SCAPER: variants seen among roughly 807,000 people sequenced by gnomAD.
The protein encoded by SCAPER is S phase cyclin A-associated protein in the endoplasmic reticulum.
In SCAPER, 98 loss-of-function variants were observed where a neutral mutation model predicts 182.2. That is an observed-to-expected ratio of 0.54 (90% confidence interval 0.46 to 0.64). The LOEUF (loss-of-function observed/expected upper bound fraction) is 0.64. Ranked by LOEUF, SCAPER falls within the 30% of genes least tolerant of loss-of-function variation. The pLI is 0.00. For missense variants in SCAPER, 1,432 were observed against 1,690.0 expected (o/e 0.85, Z 2.68); for synonymous variants, 605 against 564.6 (o/e 1.07, Z -1.01).
intron 22 of SCAPER, among the ~76,000 whole-genome samples, chr15:76,580,364 G>C (rs1432482961): frequency 1.3e-5 from 2 of 152,128 alleles, no homozygotes; most frequent in South Asian, 2.1e-4. Context: ...TCAATAAGAG[G>C]AATTTTGGAA....
Position 76,597,882 on chromosome 15 carries a change from T to C in SCAPER, c.2712-23598A>G, listed in dbSNP as rs546143299. 1.7e-5 allele frequency among the ~76,000 whole-genome samples: 2 copies of C among 120,870 alleles called. 1 individual carries two copies. Among genetic ancestry groups the C allele is most frequent in the East Asian group, 4.4e-4 (2 of 4,524 alleles). 79.3% of individuals were successfully genotyped at this position (120,870 alleles called of 152,430 possible). ...AACCTAGGCAATACCATTCAGGACA[T>C]AGGCATGGGCAAAGACTTCATGACT... On this transcript the variant is annotated intron_variant, in intron 22 of 31. Coordinates refer to ENST00000563290, the MANE Select transcript of SCAPER (RefSeq NM_020843.4).
In SCAPER at chr15:76,771,809, T is replaced by A; in HGVS notation, c.1181A>T (p.Asn394Ile). The change falls in exon 10 of 32, where the codon AAT (asparagine) becomes ATT (isoleucine). Residue 394 changes from asparagine to isoleucine, a missense_variant. Around this residue, in one of 5 missense-constraint regions of SCAPER, gnomAD observed 480 missense variants for 510.2 expected, o/e 0.94. Transcript: ENST00000563290. ...LQAGTPPLQV[N>I]EEKFPAEKAR... ...TTTCTCTGCTGGAAATTTTTCTTCA[T>A]TTACTTGTAAAGGAGGTGTACCAGC... 2 of 1,613,230 alleles carry A rather than the reference T, an allele frequency of 1.2e-6. No homozygotes were observed. Among genetic ancestry groups the A allele is most frequent in the Non-Finnish European group, 1.7e-6 (2 of 1,179,426 alleles).
chr15:76,395,646 T>C (rs2043998509), intron 27 of SCAPER, among the ~76,000 whole-genome samples: 1 of 152,238 alleles, frequency 6.6e-6, no homozygotes, highest in Admixed American at 6.5e-5. Flanking sequence ...TTGTATGTCT[T>C]CTTTTGAGAA....
intron 5 of SCAPER, among the ~76,000 whole-genome samples, chr15:76,808,888 T>A (rs916693707): frequency 6.6e-6 from 1 of 152,190 alleles, no homozygotes; most frequent in African/African-American, 2.4e-5. Flanking sequence ...CCCAGCTTAA[T>A]GTAAAGAAAA....
At chr15:76,750,914 T>C (rs2062049030) in intron 15 of SCAPER, among the ~76,000 whole-genome samples, 3 of 151,666 alleles carry the variant, frequency 2.0e-5, no homozygotes, top group Admixed American at 1.3e-4. Flanking sequence ...GTAAAAGAAA[T>C]AGTGCCCAAA....
intron 21 of SCAPER, among the ~76,000 whole-genome samples, chr15:76,645,848 C>G (rs758056789): frequency 6.6e-6 from 1 of 152,058 alleles, no homozygotes; most frequent in African/African-American, 2.4e-5. Flanking sequence ...TAAAAACACA[C>G]GAATGGGTGT....
intron 10 of SCAPER, among the ~76,000 whole-genome samples, chr15:76,769,140 A>G (rs1045058522): frequency 2.0e-5 from 3 of 152,074 alleles, no homozygotes; most frequent in African/African-American, 4.8e-5. Context: ...AAACAAATTT[A>G]CAAGAAAAAA....
At chr15:76,615,819 CA>C (rs61031189) in intron 22 of SCAPER, among the ~76,000 whole-genome samples, 18,903 of 82,156 alleles carry the variant, frequency 0.23, 1,059 homozygotes, top group African/African-American at 0.29. Context: ...GATTCCATCT[CA>C]AAAAAAAAAA....
At chr15:76,702,472 G>A (rs953245886) in intron 19 of SCAPER, among the ~76,000 whole-genome samples, 1 of 152,068 alleles carries the variant, frequency 6.6e-6, no homozygotes, top group Non-Finnish European at 1.5e-5. Flanking sequence ...TTTTGAAACA[G>A]AGTCTTGCTT....
chr15:76,857,313 G>A (rs1210009868), intron 4 of SCAPER, among the ~76,000 whole-genome samples: 1 of 151,900 alleles, frequency 6.6e-6, no homozygotes, highest in Non-Finnish European at 1.5e-5. Flanking sequence ...CATGACTGTA[G>A]TTCCAGGTTC....
At chr15:76,621,672 A>C in intron 22 of SCAPER, 92 bp downstream of exon 22, 1 of 1,022,262 alleles carries the variant, frequency 9.8e-7, no homozygotes, top group Non-Finnish European at 1.5e-6. Flanking sequence ...AGAATCAAAG[A>C]ACCTTATTAC....
chr15:76,358,746 G>T (rs540820209), intron 29 of SCAPER, among the ~76,000 whole-genome samples: 2 of 152,346 alleles, frequency 1.3e-5, no homozygotes, highest in East Asian at 3.9e-4. Flanking sequence ...TGGGAAAAGA[G>T]TTCAGTCCAT....
intron 1 of SCAPER, among the ~76,000 whole-genome samples, chr15:76,889,008 G>A (rs1337549791): frequency 1.3e-5 from 2 of 152,178 alleles, no homozygotes; most frequent in African/African-American, 2.4e-5. Context: ...GCAGAAGAGA[G>A]TAGGGGCCAA....
intron 1 of SCAPER, among the ~76,000 whole-genome samples, chr15:76,894,237 G>C (rs899643362): frequency 7.0e-6 from 1 of 142,246 alleles, no homozygotes; most frequent in African/African-American, 2.4e-5. Flanking sequence ...GGGCAACAGA[G>C]TGAAATTTCA....
intron 23 of SCAPER, among the ~76,000 whole-genome samples, chr15:76,522,195 A>C (rs1373516458): frequency 6.6e-6 from 1 of 151,976 alleles, no homozygotes; most frequent in Non-Finnish European, 1.5e-5. Flanking sequence ...ATTGTTACTA[A>C]CTTTCATTTT....
At chr15:76,571,076 C>A (rs768071462) in intron 23 of SCAPER, among the ~76,000 whole-genome samples, 6 of 152,052 alleles carry the variant, frequency 3.9e-5, no homozygotes, top group Non-Finnish European at 7.4e-5. Context: ...ACCTAGGCAG[C>A]CCTTATACTT....
chr15:76,793,455 G>A, intron 8 of SCAPER: 1 of 536,174 alleles, frequency 1.9e-6, no homozygotes. Flanking sequence ...AGCCTTCAGG[G>A]AGGGAGAAAG....
intron 17 of SCAPER, among the ~76,000 whole-genome samples, chr15:76,706,380 C>A (rs1012365919): frequency 6.6e-6 from 1 of 152,110 alleles, no homozygotes; most frequent in Admixed American, 6.6e-5. Flanking sequence ...ATCAATATTT[C>A]AAAAGCTGAG....
At chr15:76,805,613 G>A (rs973137421) in intron 5 of SCAPER, among the ~76,000 whole-genome samples, 3 of 140,344 alleles carry the variant, frequency 2.1e-5, no homozygotes, top group East Asian at 2.1e-4. Context: ...AGGCTGGAGT[G>A]CAGTGGCGTG....
Sources: gnomAD v4.1 joint callset for allele counts (sites outside exome capture counted in the v4.1 genomes callset) on GRCh38, gnomAD v4.1.1 for gene constraint, gnomAD v4.1.1 regional missense constraint, MANE v1.5 for transcripts, NCBI Gene and HGNC (gene_info 2026-07-23, HGNC 2026-07-21) for gene names.